The following HERC6 variants were observed in gnomAD, a reference collection of about 807,000 sequenced individuals.
The protein encoded by HERC6 is HECT and RLD domain containing E3 ubiquitin protein ligase family member 6.
In HERC6, 101 loss-of-function variants were observed where a neutral mutation model predicts 114.5. The ratio of observed to expected loss-of-function variants is 0.88; its 90% CI spans 0.75 to 1.04. HERC6 has a LOEUF of 1.04. HERC6 is among the 50% of genes least tolerant of loss of function. HERC6 has a pLI of 0.00. For synonymous variants in HERC6, 408 were observed against 436.2 expected, an observed-to-expected ratio of 0.94 and a Z score of 0.81; for missense variants, 1,133 against 1,230.9, an observed-to-expected ratio of 0.92 and a Z score of 1.19.
In HERC6 at chr4:88,440,341, T is replaced by C. The variant is rs1739222653; in HGVS notation, c.2842+91T>C. On this transcript the variant is annotated intron_variant, in intron 22 of 22. Coordinates refer to ENST00000264346, the MANE Select transcript of HERC6 (RefSeq NM_017912.4). ...GAATGAAGCCATTGAAGTGGCCTCA[T>C]TGTCTGGGGTGACACCCAAGGTTCT... is the stretch of plus-strand genomic sequence containing the variant. 2.4e-5 allele frequency: 18 copies of C among 739,762 alleles called. No homozygotes were observed. In the South Asian group the frequency reaches 2.7e-4, roughly 11 times the overall value. 45.8% of individuals were successfully genotyped at this position (739,762 alleles called of 1,614,324 possible). A position where few individuals can be genotyped will look rare whatever the true frequency, so the allele number is the denominator to read the frequency against.
chr4:88,413,108 G>A lies in HERC6; in HGVS notation c.1400G>A (p.Arg467Lys). ...ACGTGTCTCGAGGATGATCTGCTCA[G>A]AGCTCTTCCATGCCATTCTCCACAC... ...ITTCLEDDLL[R>K]ALPCHSPHQE... The change falls in exon 12 of 23, where the codon AGA becomes AAA. Residue 467 changes from arginine to lysine, a missense_variant. Transcript: ENST00000264346. 6.2e-7 allele frequency: 1 copy of A among 1,613,128 alleles called. No homozygotes were observed. The highest frequency in any genetic ancestry group is 8.5e-7 in the Non-Finnish European group (1 of 1,179,462).
At chr4:88,399,924 T>A (rs1735446819) in intron 8 of HERC6, among the ~76,000 whole-genome samples, 1 of 152,106 alleles carries the variant, frequency 6.6e-6, no homozygotes, top group Admixed American at 6.5e-5. Flanking sequence ...TAGCCATGCT[T>A]AGGTCCAGAG....
At chr4:88,394,257 G>A (rs564662291) in intron 5 of HERC6, among the ~76,000 whole-genome samples, 2 of 152,010 alleles carry the variant, frequency 1.3e-5, no homozygotes, top group African/African-American at 2.4e-5. Context: ...GGCAGATCAC[G>A]AGGTCAGGAG....
intron 13 of HERC6, among the ~76,000 whole-genome samples, chr4:88,422,666 T>A (rs1344302517): frequency 1.3e-5 from 2 of 152,222 alleles, no homozygotes; most frequent in East Asian, 3.8e-4. Context: ...GCATCTATAT[T>A]CATGAGTGAG....
chr4:88,402,816 C>A (rs768570288), intron 8 of HERC6, among the ~76,000 whole-genome samples: 1 of 152,130 alleles, frequency 6.6e-6, no homozygotes, highest in Non-Finnish European at 1.5e-5. Context: ...TGGTATGTAA[C>A]TGCCAAGAGG....
rs1225610806 is a variant in HERC6 at position 88,423,370 on chromosome 4, A to G, written c.1714-490A>G. ...TTACCTACTAGACCACAGATTGTCAATCTACACCCAAGGGCAGTCTCCTGT... is the reference window on the plus strand; with the variant it reads ...TTACCTACTAGACCACAGATTGTCAGTCTACACCCAAGGGCAGTCTCCTGT... On this transcript the variant is annotated intron_variant, in intron 13 of 22. Transcript: ENST00000264346. Among the ~76,000 whole-genome samples the G allele has an allele frequency of 3.9e-5, 6 of 152,090 alleles. No homozygotes were observed. In the South Asian group the frequency reaches 1.2e-3, roughly 32 times the overall value.
intron 13 of HERC6, among the ~76,000 whole-genome samples, chr4:88,422,685 G>A (rs958346956): frequency 6.6e-5 from 10 of 152,228 alleles, no homozygotes; most frequent in Non-Finnish European, 1.2e-4. Context: ...AGACTGGTTT[G>A]TTATTTTACT....
intron 3 of HERC6, among the ~76,000 whole-genome samples, chr4:88,388,751 T>G (rs1175052959): frequency 6.6e-6 from 1 of 152,096 alleles, no homozygotes; most frequent in Non-Finnish European, 1.5e-5. Context: ...AGATGGTGAA[T>G]GTTTCTTCCA....
At position 88,383,346 on chromosome 4, in the gene HERC6, A is replaced by G; in HGVS notation, c.325A>G (p.Ile109Val). 1 of 1,526,276 alleles carries G rather than the reference A, an allele frequency of 6.6e-7. No homozygotes were observed. The highest frequency in any genetic ancestry group is 8.8e-7 in the Non-Finnish European group (1 of 1,139,548). The allele number at this position is 1,526,276 out of a possible 1,614,324, so 94.5% of individuals were successfully genotyped here. The change falls in exon 2 of 23, where the codon ATT becomes GTT. Residue 109 changes from isoleucine (I) to valine (V), a missense_variant. Coordinates refer to ENST00000264346, the MANE Select transcript of HERC6 (RefSeq NM_017912.4). ...AGCTGGTTCTGAAGGGCAGCTGGGG[A>G]TTGGAGAATTCAAGGAAATAAGTTT... The part of the protein sequence containing the change: ...WGAGSEGQLG[I>V]GEFKEISFTP...
At chr4:88,409,483 A>G (rs1195868535) in intron 11 of HERC6, among the ~76,000 whole-genome samples, 3 of 152,218 alleles carry the variant, frequency 2.0e-5, no homozygotes, top group African/African-American at 7.2e-5. Context: ...AGGTGCTGAC[A>G]TTTATTTTCT....
Position 88,435,850 on chromosome 4 carries a change from A to G in HERC6, c.2376A>G (p.Pro792=), listed in dbSNP as rs951481492. 1.2e-6 allele frequency: 2 copies of G among 1,610,658 alleles called. No homozygotes were observed. The highest frequency in any genetic ancestry group is 1.7e-5 in the Admixed American group (1 of 59,436). The stretch of plus-strand genomic sequence containing the variant: ...ATAAAAAACTTCTGGACCAAAAGCC[A>G]TCATTGGAAGATTTAAAAGAACTCA... ...ALYKKLLDQK[P]SLEDLKELSP... is the part of the protein sequence containing the mutation. Residue 792 remains proline (P), a synonymous_variant, in exon 18 of 23, where the codon CCA becomes CCG. Coordinates refer to ENST00000264346, the MANE Select transcript of HERC6 (RefSeq NM_017912.4).
intron 7 of HERC6, among the ~76,000 whole-genome samples, chr4:88,397,262 G>A (rs901636602): frequency 1.2e-4 from 18 of 151,524 alleles, no homozygotes; most frequent in Admixed American, 5.9e-4. Flanking sequence ...ACAGGCATGC[G>A]CCACCATGCC....
chr4:88,403,914 C>G (rs1735673631), intron 8 of HERC6, among the ~76,000 whole-genome samples: 1 of 152,100 alleles, frequency 6.6e-6, no homozygotes, highest in African/African-American at 2.4e-5. Context: ...ACATTAATTA[C>G]TTTCACAATA....
At chr4:88,391,357 G>A (rs1734909519) in intron 4 of HERC6, among the ~76,000 whole-genome samples, 1 of 152,172 alleles carries the variant, frequency 6.6e-6, no homozygotes. Flanking sequence ...ATTACAGTGT[G>A]CTCACCTGGA....
intron 10 of HERC6, among the ~76,000 whole-genome samples, chr4:88,407,971 G>A (rs975924756): frequency 3.9e-5 from 6 of 152,100 alleles, no homozygotes; most frequent in Non-Finnish European, 8.8e-5. Context: ...ATCCAGGATG[G>A]GTGCAAACTG....
intron 18 of HERC6, among the ~76,000 whole-genome samples, 151 bp downstream of exon 18, chr4:88,436,042 T>C (rs954309446): frequency 6.6e-6 from 1 of 152,204 alleles, no homozygotes; most frequent in Non-Finnish European, 1.5e-5. Flanking sequence ...TGATTTATAA[T>C]TGAGTAAACC....
chr4:88,441,223 A>G (rs974031405), intron 22 of HERC6, among the ~76,000 whole-genome samples: 2 of 152,176 alleles, frequency 1.3e-5, no homozygotes, highest in Non-Finnish European at 2.9e-5. Flanking sequence ...TTTTATAGTA[A>G]TATATCATTT....
At chr4:88,440,671 T>A (rs1739253621) in intron 22 of HERC6, 1 of 154,884 alleles carries the variant, frequency 6.5e-6, no homozygotes, top group Non-Finnish European at 1.4e-5. Flanking sequence ...CCATGGTGCT[T>A]CTTTCTTACT....
intron 4 of HERC6, 24 bp from the exon 5 acceptor site, chr4:88,393,463 TA>T: frequency 1.4e-6 from 2 of 1,461,174 alleles, no homozygotes. Flanking sequence ...TCTTATACTC[TA>T]GAGATTCTGC....
Sources: gnomAD v4.1 joint callset for allele counts (sites outside exome capture counted in the v4.1 genomes callset) on GRCh38, gnomAD v4.1.1 for gene constraint, MANE v1.5 for transcripts, NCBI Gene and HGNC (gene_info 2026-07-23, HGNC 2026-07-21) for gene names.